Variants in RANBP17 observed in about 807,000 individuals in gnomAD.
The protein encoded by RANBP17 is ran-binding protein 17.
Under a neutral mutation model 141.2 loss-of-function variants are expected in RANBP17, and 158 were observed. The ratio of observed to expected loss-of-function variants is 1.12; its 90% CI spans 0.98 to 1.28. RANBP17 has a LOEUF of 1.28. RANBP17 is among the 50% of genes most tolerant of loss of function. The pLI is 0.00. For missense variants in RANBP17, 1,438 were observed against 1,290.7 expected (o/e 1.11, Z -1.75); for synonymous variants, 430 against 450.0 (o/e 0.96, Z 0.56).
intron 14 of RANBP17, among the ~76,000 whole-genome samples, chr5:171,123,595 C>T (rs1231219132): frequency 1.3e-5 from 2 of 152,216 alleles, no homozygotes; most frequent in Non-Finnish European, 2.9e-5. Context: ...TCAGTACCTG[C>T]CCACCATTGG....
intron 5 of RANBP17, among the ~76,000 whole-genome samples, chr5:170,904,625 CA>C (rs1770928496): frequency 6.6e-6 from 1 of 151,864 alleles, no homozygotes; most frequent in Admixed American, 6.6e-5. Flanking sequence ...TCGATAATAC[CA>C]GTGTGTGAAA....
chr5:171,146,779 A>G (rs1758055131), intron 14 of RANBP17, among the ~76,000 whole-genome samples: 1 of 152,190 alleles, frequency 6.6e-6, no homozygotes, highest in Non-Finnish European at 1.5e-5. Flanking sequence ...AAATATATAC[A>G]TATATCCTTC....
In RANBP17 at chr5:171,067,536, T is replaced by C. The variant is rs576300446; in HGVS notation, c.1710+99159T>C. ...TTCTTTCATTTCAACCTGAAGATCTTCCTTCAGCATTTCTTAATGGGGCTA... is the reference window on the plus strand; with the variant it reads ...TTCTTTCATTTCAACCTGAAGATCTCCCTTCAGCATTTCTTAATGGGGCTA... On this transcript the variant is annotated intron_variant, in intron 14 of 27. Transcript: ENST00000523189. 5.3e-5 allele frequency among the ~76,000 whole-genome samples: 8 copies of C among 152,290 alleles called. No individual in the cohort carries two copies. The South Asian group carries it at 1.5e-3, about 28-fold the overall frequency.
chr5:170,910,857 T>A, intron 6 of RANBP17, 112 bp from the exon 7 acceptor site: 1 of 1,079,176 alleles, frequency 9.3e-7, no homozygotes. Flanking sequence ...AGTATAACTT[T>A]GTAAACTCCT....
At chr5:171,213,372 C>G (rs568966104) in intron 20 of RANBP17, among the ~76,000 whole-genome samples, 225 of 151,990 alleles carry the variant, frequency 1.5e-3, no homozygotes, top group African/African-American at 5.3e-3. Context: ...ATACAGTATT[C>G]TAAGAACAAA....
At chr5:170,986,031 T>A (rs1043553161) in intron 14 of RANBP17, among the ~76,000 whole-genome samples, 1 of 152,122 alleles carries the variant, frequency 6.6e-6, no homozygotes, top group Non-Finnish European at 1.5e-5. Context: ...GAATAGTAAT[T>A]TATAAATAAA....
At chr5:171,239,116 T>A (rs545145364) in intron 22 of RANBP17, among the ~76,000 whole-genome samples, 1 of 152,298 alleles carries the variant, frequency 6.6e-6, no homozygotes, top group Admixed American at 6.5e-5. Flanking sequence ...CTCTCTAAGG[T>A]AAGTTACATT....
At chr5:170,988,783 C>G (rs1295996549) in intron 14 of RANBP17, among the ~76,000 whole-genome samples, 1 of 151,720 alleles carries the variant, frequency 6.6e-6, no homozygotes, top group Non-Finnish European at 1.5e-5. Flanking sequence ...TGTTGTTGAA[C>G]ATTCAGAGAC....
At chr5:171,259,262 G>C in intron 24 of RANBP17, among the ~76,000 whole-genome samples, 1 of 152,282 alleles carries the variant, frequency 6.6e-6, no homozygotes, top group Middle Eastern at 3.4e-3. Context: ...CTCGTACACT[G>C]TTGGTGGGAA....
At chr5:171,262,275 A>G (rs1766383466) in intron 24 of RANBP17, among the ~76,000 whole-genome samples, 1 of 152,216 alleles carries the variant, frequency 6.6e-6, no homozygotes, top group Non-Finnish European at 1.5e-5. Context: ...TGAAATGTAG[A>G]AATATGAAGG....
Position 171,138,791 on chromosome 5 carries a change from G to T in RANBP17, c.1711-31339G>T, listed in dbSNP as rs551008312. On this transcript the variant is annotated intron_variant, in intron 14 of 27. Coordinates refer to ENST00000523189, the MANE Select transcript of RANBP17 (RefSeq NM_022897.5). ...TTCTGTATATCTAAAATTATGCCAGGCCAGGTGCAATGGTTCACACTAGTA... is the reference window on the plus strand; with the variant it reads ...TTCTGTATATCTAAAATTATGCCAGTCCAGGTGCAATGGTTCACACTAGTA... Among the ~76,000 whole-genome samples, 73 of 152,234 alleles carry T rather than the reference G, an allele frequency of 4.8e-4. 1 individual carries two copies. Among genetic ancestry groups the T allele is most frequent in the South Asian group, 1.5e-3 (7 of 4,816 alleles).
At chr5:171,271,068 GTTATTTCTTTTTTTTTTTTTTTTTT>G (rs1767073322) in intron 25 of RANBP17, 2 of 31,602 alleles carry the variant, frequency 6.3e-5, no homozygotes, top group South Asian at 1.6e-3. Context: ...TCCTTTTTAT[GTTATTTCTTTTTTTTTTTTTTTTTT>G]TTTTTTTTTT....
chr5:170,943,038 C>G (rs1019072673), intron 12 of RANBP17, among the ~76,000 whole-genome samples: 5 of 152,026 alleles, frequency 3.3e-5, no homozygotes, highest in African/African-American at 1.2e-4. Flanking sequence ...ATGCCTAGTA[C>G]TTAGAAAATT....
chr5:171,112,383 A>G (rs528576873), intron 14 of RANBP17, among the ~76,000 whole-genome samples: 1 of 152,218 alleles, frequency 6.6e-6, no homozygotes, highest in Non-Finnish European at 1.5e-5. Flanking sequence ...TATATCTTCA[A>G]TAAATGTTTG....
intron 14 of RANBP17, among the ~76,000 whole-genome samples, chr5:171,120,469 T>G (rs1170381448): frequency 6.6e-6 from 1 of 152,252 alleles, no homozygotes; most frequent in Non-Finnish European, 1.5e-5. Context: ...TCTCCAAGTT[T>G]AGAAATTCTT....
intron 8 of RANBP17, among the ~76,000 whole-genome samples, chr5:170,916,241 G>A (rs12109664): frequency 3.2e-4 from 3 of 9,290 alleles, no homozygotes; most frequent in Admixed American, 1.5e-3. Flanking sequence ...ATTATAATGC[G>A]TTATATTCTA....
chr5:171,027,092 G>T (rs189807143), intron 14 of RANBP17, among the ~76,000 whole-genome samples: 1 of 152,212 alleles, frequency 6.6e-6, no homozygotes, highest in East Asian at 1.9e-4. Flanking sequence ...CCCACTATCC[G>T]TCCAGGGAAA....
At chr5:171,057,571 A>T (rs1012031327) in intron 14 of RANBP17, among the ~76,000 whole-genome samples, 8 of 152,136 alleles carry the variant, frequency 5.3e-5, no homozygotes, top group Non-Finnish European at 1.5e-5. Context: ...CTTTACAATC[A>T]CAAATGATAC....
At chr5:170,870,227 A>G (rs1767604257) in intron 1 of RANBP17, among the ~76,000 whole-genome samples, 1 of 152,152 alleles carries the variant, frequency 6.6e-6, no homozygotes, top group Admixed American at 6.5e-5. Context: ...TTTTACTTTA[A>G]GTTCTGAGAT....
Sources: gnomAD v4.1 joint callset for allele counts (sites outside exome capture counted in the v4.1 genomes callset) on GRCh38, gnomAD v4.1.1 for gene constraint, MANE v1.5 for transcripts, NCBI Gene and HGNC (gene_info 2026-07-23, HGNC 2026-07-21) for gene names.